MAST4: variants seen among roughly 807,000 people sequenced by gnomAD.
MAST4 encodes microtubule-associated serine/threonine-protein kinase 4.
Under a neutral mutation model 162.7 loss-of-function variants are expected in MAST4, and 89 were observed. The ratio of observed to expected loss-of-function variants is 0.55; its 90% confidence interval spans 0.46 to 0.65. The LOEUF (loss-of-function observed/expected upper bound fraction) is 0.65, where lower values mean the gene tolerates loss of function less well. MAST4 is among the 30% of genes least tolerant of loss of function. The probability of loss-of-function intolerance (pLI) is 0.00; values close to 1 mark genes in which losing one functional copy is unlikely to be tolerated. For missense variants in MAST4, 3,153 were observed against 3,374.0 expected (o/e 0.93, Z 1.62); for synonymous variants, 1,479 against 1,361.1 (o/e 1.09, Z -1.91).
At chr5:66,883,406 GTGT>G (rs1761820404) in intron 3 of MAST4, among the ~76,000 whole-genome samples, 1 of 144,462 alleles carries the variant, frequency 6.9e-6, no homozygotes, top group Non-Finnish European at 1.5e-5. Context: ...GGGCACAGTT[GTGT>G]TGTTCTGTCA....
intron 1 of MAST4, among the ~76,000 whole-genome samples, chr5:66,748,395 T>C (rs1347030436): frequency 4.7e-5 from 2 of 42,596 alleles, no homozygotes; most frequent in Admixed American, 2.3e-4. Context: ...CTTCCTTCTT[T>C]CCTTCCTTCT....
At chr5:67,102,645 A>T (rs1452907995) in intron 9 of MAST4, 34 bp downstream of exon 9, 14 of 1,516,578 alleles carry the variant, frequency 9.2e-6, no homozygotes, top group Non-Finnish European at 1.3e-5. Context: ...CTAGCATCTA[A>T]ACGAACAGGC....
intron 3 of MAST4, among the ~76,000 whole-genome samples, chr5:66,880,935 C>T (rs532290602): frequency 3.3e-5 from 5 of 152,216 alleles, no homozygotes; most frequent in Admixed American, 3.3e-4. Flanking sequence ...TAGCCAGCTG[C>T]CTTTTGAAGA....
intron 1 of MAST4, among the ~76,000 whole-genome samples, chr5:66,692,214 T>C (rs139111045): frequency 2.6e-5 from 4 of 152,268 alleles, no homozygotes; most frequent in Non-Finnish European, 4.4e-5. Flanking sequence ...TTCAATCGCA[T>C]GGTAAGAGAA....
rs775638361 is a variant in MAST4, at chr5:67,110,210, C to T, written c.1458+11C>T. ...TTATTAGAGTGCCTGGTAAGTTGCCCCTTGATGTGACTACATTATTTATTG... is the reference window on the plus strand; with the variant it reads ...TTATTAGAGTGCCTGGTAAGTTGCCTCTTGATGTGACTACATTATTTATTG... On this transcript the variant is annotated intron_variant, in intron 11 of 28. Coordinates refer to ENST00000403625, the MANE Select transcript of MAST4 (RefSeq NM_001164664.2). The T allele has an allele frequency of 2.1e-5, 33 of 1,582,192 alleles. No individual in the cohort carries two copies. In the South Asian group the frequency reaches 3.3e-4, roughly 16 times the overall value.
At chr5:66,779,903 G>T (rs1326826876) in intron 2 of MAST4, among the ~76,000 whole-genome samples, 1 of 152,096 alleles carries the variant, frequency 6.6e-6, no homozygotes, top group East Asian at 1.9e-4. Flanking sequence ...ATAAATGATT[G>T]GGAGGGCTTA....
At chr5:66,759,900 T>C in intron 2 of MAST4, 38 bp downstream of exon 2, 2 of 1,610,984 alleles carry the variant, frequency 1.2e-6, no homozygotes, top group Non-Finnish European at 1.7e-6. Context: ...AGGAATTGCA[T>C]TTCTTTACAA....
intron 5 of MAST4, among the ~76,000 whole-genome samples, chr5:67,070,929 C>T (rs1205419662): frequency 6.6e-6 from 1 of 152,150 alleles, no homozygotes; most frequent in Non-Finnish European, 1.5e-5. Flanking sequence ...CTGATCAGAG[C>T]CATCCATTGC....
intron 4 of MAST4, among the ~76,000 whole-genome samples, chr5:67,033,929 T>C (rs189672472): frequency 1.3e-5 from 2 of 152,312 alleles, no homozygotes; most frequent in Admixed American, 1.3e-4. Context: ...TTAACTCTTA[T>C]TTCATTTTAG....
At chr5:66,664,265 G>A (rs531783457) in intron 1 of MAST4, among the ~76,000 whole-genome samples, 37 of 151,748 alleles carry the variant, frequency 2.4e-4, no homozygotes, top group East Asian at 1.9e-3. Flanking sequence ...GTGAAACCCC[G>A]TCTCTAATAA....
In MAST4 at chr5:67,164,001, C is replaced by A; in HGVS notation, c.4822C>A (p.His1608Asn). The A allele has an allele frequency of 1.2e-6, 2 of 1,601,780 alleles. No homozygotes were observed. The highest frequency in any genetic ancestry group is 1.7e-6 in the Non-Finnish European group (2 of 1,174,286). Residue 1608 changes from histidine to asparagine, a missense_variant, in exon 29 of 29, where the codon CAC becomes AAC. His to Asn is a moderately conservative substitution (Grantham distance 68). Coordinates refer to ENST00000403625, the MANE Select transcript of MAST4 (RefSeq NM_001164664.2). The surrounding 1 kb of genome is among the most constrained non-coding windows in gnomAD (Gnocchi z 5.3). ...PLGSLLKDAL[H>N]KQASVRASEG... Reference sequence around the variant, plus strand: ...GGGCAGCCTGCTGAAGGATGCTCTTCACAAGCAGGCCAGCGTGCGCGCCAG... The same window carrying A: ...GGGCAGCCTGCTGAAGGATGCTCTTAACAAGCAGGCCAGCGTGCGCGCCAG...
At chr5:66,841,638 G>A (rs527770572) in intron 3 of MAST4, among the ~76,000 whole-genome samples, 2 of 152,126 alleles carry the variant, frequency 1.3e-5, no homozygotes, top group East Asian at 3.9e-4. Flanking sequence ...CCCATCATGA[G>A]GGCCCCACCT....
chr5:66,654,916 A>G (rs910044679), intron 1 of MAST4, among the ~76,000 whole-genome samples: 1 of 152,182 alleles, frequency 6.6e-6, no homozygotes, highest in African/African-American at 2.4e-5. Flanking sequence ...AGTTCTGTCA[A>G]CTTATTTACA....
At chr5:66,997,168 T>C (rs527612850) in intron 4 of MAST4, among the ~76,000 whole-genome samples, 1 of 152,176 alleles carries the variant, frequency 6.6e-6, no homozygotes, top group South Asian at 2.1e-4. Flanking sequence ...GTATATATTA[T>C]ATGTACATGT....
At chr5:67,149,237 T>C (rs1771480032) in intron 23 of MAST4, among the ~76,000 whole-genome samples, 152 bp from the exon 24 acceptor site, 1 of 152,168 alleles carries the variant, frequency 6.6e-6, no homozygotes, top group African/African-American at 2.4e-5. Context: ...AATCACATGT[T>C]GTTAATGTTC....
chr5:66,679,627 G>A (rs1399270152), intron 1 of MAST4, among the ~76,000 whole-genome samples: 3 of 151,750 alleles, frequency 2.0e-5, no homozygotes, highest in Non-Finnish European at 4.4e-5. Flanking sequence ...ATTTTGAAGT[G>A]AACCTGTCAC....
intron 4 of MAST4, among the ~76,000 whole-genome samples, chr5:66,900,252 AT>A (rs1762926150): frequency 6.6e-6 from 1 of 151,476 alleles, no homozygotes. Flanking sequence ...AAGCAAAAAC[AT>A]TATTTGGTTA....
chr5:66,888,071 A>G (rs1762153048), intron 3 of MAST4, among the ~76,000 whole-genome samples: 1 of 152,120 alleles, frequency 6.6e-6, no homozygotes, highest in African/African-American at 2.4e-5. Flanking sequence ...ATAAAATAGT[A>G]CATTGGAGAA....
intron 8 of MAST4, 49 bp downstream of exon 8, chr5:67,100,641 C>G: frequency 1.2e-6 from 2 of 1,609,694 alleles, no homozygotes; most frequent in Non-Finnish European, 1.7e-6. Context: ...TCTCTATTTT[C>G]AAACATTTTG....
Sources: allele counts gnomAD v4.1 joint callset (sites outside exome capture counted in the v4.1 genomes callset), GRCh38; gene constraint gnomAD v4.1.1; non-coding constraint Gnocchi (gnomAD v3.1); transcripts MANE v1.5; gene names NCBI Gene and HGNC (gene_info 2026-07-23, HGNC 2026-07-21).